The following FGGY variants were observed in gnomAD, a reference collection of about 807,000 sequenced individuals.
The protein encoded by FGGY is FGGY carbohydrate kinase domain-containing protein.
In FGGY, 72 loss-of-function variants were observed where a neutral mutation model predicts 71.3. That is an observed-to-expected ratio of 1.01 (90% CI 0.84 to 1.23). FGGY has a LOEUF of 1.23. Among genes scored for constraint, FGGY ranks in the 50% most tolerant of loss-of-function variants. The pLI is 0.00. For synonymous variants in FGGY, 251 were observed against 250.3 expected, an observed-to-expected ratio of 1.00 and a Z score of -0.02; for missense variants, 668 against 682.3, an observed-to-expected ratio of 0.98 and a Z score of 0.23.
chr1:59,318,458 C>T (rs1420060189), intron 1 of FGGY: 1 of 152,224 alleles, frequency 6.6e-6, no homozygotes, highest in Non-Finnish European at 1.5e-5. Flanking sequence ...GGGCTCCTGC[C>T]AGAAACCAGA....
chr1:59,496,332 A>C (rs2094030229), intron 6 of FGGY, among the ~76,000 whole-genome samples: 1 of 152,198 alleles, frequency 6.6e-6, no homozygotes, highest in South Asian at 2.1e-4. Context: ...TATACCCTGG[A>C]ATACTACACA....
At chr1:59,556,480 C>T (rs2095687915) in intron 8 of FGGY, among the ~76,000 whole-genome samples, 1 of 152,174 alleles carries the variant, frequency 6.6e-6, no homozygotes, top group Non-Finnish European at 1.5e-5. Context: ...AGTTCTTGAG[C>T]TAAGAACTGA....
intron 5 of FGGY, among the ~76,000 whole-genome samples, chr1:59,385,468 G>C (rs375245149): frequency 3.3e-5 from 5 of 152,274 alleles, no homozygotes; most frequent in African/African-American, 1.2e-4. Flanking sequence ...CCTTACAGCA[G>C]GTGGTGTCAT....
intron 7 of FGGY, among the ~76,000 whole-genome samples, chr1:59,539,056 G>A (rs545141454): frequency 6.6e-6 from 1 of 152,038 alleles, no homozygotes; most frequent in Non-Finnish European, 1.5e-5. Flanking sequence ...AAAATATTAA[G>A]TACCTAGGAA....
intron 14 of FGGY, among the ~76,000 whole-genome samples, chr1:59,734,821 G>A (rs944919244): frequency 6.6e-6 from 1 of 152,196 alleles, no homozygotes; most frequent in African/African-American, 2.4e-5. Flanking sequence ...CTGTGGTACT[G>A]CTCTTCCTCC....
intron 14 of FGGY, among the ~76,000 whole-genome samples, chr1:59,688,703 C>T (rs535758733): frequency 2.0e-5 from 3 of 152,150 alleles, no homozygotes; most frequent in South Asian, 2.1e-4. Flanking sequence ...CACTTGGGGA[C>T]GTCCAAGAAC....
At chr1:59,606,523 T>C (rs1243101785) in intron 8 of FGGY, among the ~76,000 whole-genome samples, 1 of 152,194 alleles carries the variant, frequency 6.6e-6, no homozygotes, top group Non-Finnish European at 1.5e-5. Flanking sequence ...TGTTATGTAT[T>C]AACATTTTTT....
chr1:59,676,681 T>G (rs2097438865), intron 14 of FGGY, among the ~76,000 whole-genome samples: 1 of 152,184 alleles, frequency 6.6e-6, no homozygotes, highest in Admixed American at 6.5e-5. Context: ...TAGATCAGAT[T>G]TGGAACTGAT....
intron 10 of FGGY, among the ~76,000 whole-genome samples, chr1:59,636,161 A>G (rs955613268): frequency 2.0e-5 from 3 of 152,182 alleles, no homozygotes; most frequent in South Asian, 2.1e-4. Flanking sequence ...GCTGGTAGGT[A>G]GGGCGGTTGG....
intron 10 of FGGY, among the ~76,000 whole-genome samples, chr1:59,636,194 T>C (rs2096957426): frequency 1.3e-5 from 2 of 152,186 alleles, no homozygotes; most frequent in Non-Finnish European, 2.9e-5. Flanking sequence ...TCCACCCTAG[T>C]ACACATCACA....
chr1:59,674,509 T>C (rs927389461), intron 14 of FGGY, among the ~76,000 whole-genome samples: 1 of 152,176 alleles, frequency 6.6e-6, no homozygotes, highest in Non-Finnish European at 1.5e-5. Context: ...CTCACCATTT[T>C]CTAAATACCT....
intron 7 of FGGY, among the ~76,000 whole-genome samples, chr1:59,544,415 C>T (rs960655891): frequency 6.6e-6 from 1 of 152,112 alleles, no homozygotes; most frequent in Non-Finnish European, 1.5e-5. Flanking sequence ...TGGTGCTTTC[C>T]TTTGAGTACA....
At chr1:59,715,740 G>A (rs988524281) in intron 14 of FGGY, among the ~76,000 whole-genome samples, 2 of 152,188 alleles carry the variant, frequency 1.3e-5, no homozygotes, top group Admixed American at 6.5e-5. Context: ...TAATTACTAT[G>A]TGCAGAGCAC....
intron 6 of FGGY, among the ~76,000 whole-genome samples, chr1:59,501,701 C>T (rs761888966): frequency 6.6e-6 from 1 of 152,144 alleles, no homozygotes; most frequent in South Asian, 2.1e-4. Flanking sequence ...AAAGCATTTC[C>T]CTCTGAAGGC....
intron 8 of FGGY, among the ~76,000 whole-genome samples, chr1:59,599,947 G>A (rs2096561412): frequency 6.6e-6 from 1 of 152,148 alleles, no homozygotes; most frequent in African/African-American, 2.4e-5. Flanking sequence ...ACATCAGACA[G>A]TCCCATATGT....
intron 8 of FGGY, among the ~76,000 whole-genome samples, chr1:59,589,663 T>C (rs918431583): frequency 1.3e-5 from 2 of 152,026 alleles, no homozygotes; most frequent in African/African-American, 4.8e-5. Context: ...ACATGGAAAC[T>C]GAACAACCTG....
chr1:59,739,992 T>C (rs1431246495), intron 14 of FGGY, among the ~76,000 whole-genome samples: 1 of 152,190 alleles, frequency 6.6e-6, no homozygotes, highest in Non-Finnish European at 1.5e-5. Context: ...GTTAGCTACA[T>C]CCATCTACCA....
At chr1:59,589,133 T>A (rs1043005584) in intron 8 of FGGY, among the ~76,000 whole-genome samples, 1 of 152,078 alleles carries the variant, frequency 6.6e-6, no homozygotes, top group Non-Finnish European at 1.5e-5. Flanking sequence ...AGGCAGGAGT[T>A]GCAATCCTAG....
At chr1:59,653,717 G>T (rs142255306) in intron 11 of FGGY, among the ~76,000 whole-genome samples, 2 of 152,196 alleles carry the variant, frequency 1.3e-5, no homozygotes, top group African/African-American at 2.4e-5. Context: ...CGTCTTCTGC[G>T]TTGCTCACGC....
Sources: allele counts gnomAD v4.1 joint callset (sites outside exome capture counted in the v4.1 genomes callset), GRCh38; gene constraint gnomAD v4.1.1; transcripts MANE v1.5; gene names NCBI Gene and HGNC (gene_info 2026-07-23, HGNC 2026-07-21).